The following EBP variants were observed in gnomAD, a reference collection of about 807,000 sequenced individuals.
The protein encoded by EBP is 3-beta-hydroxysteroid-Delta(8),Delta(7)-isomerase.
A neutral mutation model predicts 14.1 loss-of-function variants in EBP; 1 was observed. That is an observed-to-expected ratio of 0.07 (90% CI 0.03 to 0.34). The LOEUF (loss-of-function observed/expected upper bound fraction) is 0.34, where lower values mean the gene tolerates loss of function less well. Ranked by LOEUF, EBP falls within the 10% of genes least tolerant of loss-of-function variation. The pLI is 0.99. For synonymous variants in EBP, 72 were observed against 77.7 expected, an observed-to-expected ratio of 0.93 and a Z score of 0.38; for missense variants, 123 against 184.6, an observed-to-expected ratio of 0.67 and a Z score of 1.93.
chrX:48,523,238 C>T (rs2061768648), intron 1 of EBP, among the ~76,000 whole-genome samples: 2 of 112,013 alleles, frequency 1.8e-5, no homozygotes, highest in Admixed American at 1.9e-4. Flanking sequence ...TGCCACGGTG[C>T]CTGGCCTTTA....
Position 48,528,090 on chromosome X carries a change from T to C in EBP, c.470-144T>C. On this transcript the variant is annotated intron_variant, in intron 4 of 4. Coordinates refer to ENST00000495186, the MANE Select transcript of EBP (RefSeq NM_006579.3). ...GGTGTCTGGAATCTCACTTTTCTGA[T>C]TTCTCAGATTTTCAGCTCTGTGATT... 6 of 506,217 alleles carry C rather than the reference T, an allele frequency of 1.2e-5. No individual in the cohort carries two copies. In the South Asian group the frequency reaches 1.9e-4, roughly 16 times the overall value. The allele number at this position is 506,217 out of a possible 1,213,427, so 41.7% of individuals were successfully genotyped here. A position where few individuals can be genotyped will look rare whatever the true frequency, so the allele number is the denominator to read the frequency against.
rs782528278 is a variant in EBP, at chrX:48,527,547, G to T, written c.469+262G>T. 1.2e-5 allele frequency: 5 copies of T among 414,998 alleles called. No individual in the cohort carries two copies. In the African/African-American group the frequency reaches 1.3e-4, roughly 10 times the overall value. The allele number at this position is 414,998 out of a possible 1,213,427, so 34.2% of individuals were successfully genotyped here. A position where few individuals can be genotyped will look rare whatever the true frequency, so the allele number is the denominator to read the frequency against. On this transcript the variant is annotated intron_variant, in intron 4 of 4. Transcript: ENST00000495186. ...GTGAAGGTTACATGAGGTGGCCCAG[G>T]GTGGCAAGAAGCCCCTGGAACCTCC...
In EBP at chrX:48,528,187, G is replaced by T. The variant is rs1436475397; in HGVS notation, c.470-47G>T. 3 of 1,108,451 alleles carry T rather than the reference G, an allele frequency of 2.7e-6. No homozygotes were observed. The East Asian group carries it at 9.2e-5, about 34-fold the overall frequency. 91.3% of individuals were successfully genotyped at this position (1,108,451 alleles called of 1,213,427 possible). On this transcript the variant is annotated intron_variant, in intron 4 of 4. Transcript: ENST00000495186. ...TTTGGAATAGAGAATTGGCGAAAGT[G>T]TCCCCTTCCTCACTGGGGCTTCTCC...
At chrX:48,527,576 A>T (rs1374885826) in intron 4 of EBP, 2 of 373,644 alleles carry the variant, frequency 5.4e-6, no homozygotes, top group Admixed American at 4.5e-5. Context: ...AACCTCCAGG[A>T]TCAGGGCTCT....
At position 48,526,593 on chromosome X, in the gene EBP, A is replaced by G. The variant is rs782265514; in HGVS notation, c.302-396A>G. Among the ~76,000 whole-genome samples, 8 of 110,128 alleles carry G rather than the reference A, an allele frequency of 7.3e-5. No individual in the cohort carries two copies. In the Admixed American group the frequency reaches 7.7e-4, roughly 11 times the overall value. On this transcript the variant is annotated intron_variant, in intron 2 of 4. Transcript: ENST00000495186. Reference sequence around the variant, plus strand: ...GCCATCATCCCACCTCAGCCTCCCAAAGTGTTGGGATTACAGGCATGAGCC... The same window carrying G: ...GCCATCATCCCACCTCAGCCTCCCAGAGTGTTGGGATTACAGGCATGAGCC...
rs2061770261 is a variant in EBP at position 48,523,643 on chromosome X, A to T, written c.-73-56A>T. ...TCGGTCCATTTACATTTCTCATGAT[A>T]ATAAACTATTTGAATTTGATTTTAT... is the stretch of plus-strand genomic sequence containing the variant. On this transcript the variant is annotated intron_variant, in intron 1 of 4. Transcript: ENST00000495186. 8.3e-6 allele frequency: 6 copies of T among 726,739 alleles called. No homozygotes were observed. The Admixed American group carries it at 1.9e-4, about 23-fold the overall frequency. 59.9% of individuals were successfully genotyped at this position (726,739 alleles called of 1,213,427 possible). A position where few individuals can be genotyped will look rare whatever the true frequency, so the allele number is the denominator to read the frequency against.
At chrX:48,526,497 A>T (rs1201459843) in intron 2 of EBP, among the ~76,000 whole-genome samples, 2 of 110,321 alleles carry the variant, frequency 1.8e-5, no homozygotes, top group East Asian at 5.7e-4. Flanking sequence ...CGTCCAGCTA[A>T]TTTTTGTATG....
chrX:48,523,046 G>GAA (rs1556976833), intron 1 of EBP, among the ~76,000 whole-genome samples: 1 of 109,758 alleles, frequency 9.1e-6, no homozygotes. Flanking sequence ...TTGAAGTCCT[G>GAA]GGCTCAAAGC....
intron 4 of EBP, 65 bp from the exon 5 acceptor site, chrX:48,528,169 T>G: frequency 1.0e-6 from 1 of 976,117 alleles, no homozygotes; most frequent in Non-Finnish European, 1.4e-6. Flanking sequence ...TGCTTTGGAA[T>G]AGAGAATTGG....
intron 4 of EBP, 40 bp downstream of exon 4, chrX:48,527,325 G>A (rs782729537): frequency 8.3e-7 from 1 of 1,209,120 alleles, no homozygotes; most frequent in Non-Finnish European, 1.1e-6. Context: ...GCACTAGAGG[G>A]GTTGATGGGG....
In EBP at chrX:48,527,014, C is replaced by T; in HGVS notation, c.327C>T (p.Ser109=). ...GGAAAGAGTATGCCAAGGGAGACAGCCGATACATCCTGTAAGTGTTTGCCT... is the reference window on the plus strand; with the variant it reads ...GGAAAGAGTATGCCAAGGGAGACAGTCGATACATCCTGTAAGTGTTTGCCT... ...QLWKEYAKGD[S]RYILGDNFTV... is the part of the protein sequence containing the mutation. Residue 109 remains serine, a synonymous_variant, in exon 3 of 5, where the codon AGC becomes AGT. Coordinates refer to ENST00000495186, the MANE Select transcript of EBP (RefSeq NM_006579.3). The T allele has an allele frequency of 1.7e-6, 2 of 1,211,543 alleles. No individual in the cohort carries two copies. The highest frequency in any genetic ancestry group is 2.2e-6 in the Non-Finnish European group (2 of 895,349).
chrX:48,525,747 G>A (rs2061777006), intron 2 of EBP, among the ~76,000 whole-genome samples: 1 of 109,816 alleles, frequency 9.1e-6, no homozygotes, highest in Non-Finnish European at 1.9e-5. Flanking sequence ...TTGTACAGTT[G>A]CTTGACTTGT....
At chrX:48,524,480 G>T in intron 2 of EBP, 1 of 128,554 alleles carries the variant, frequency 7.8e-6, no homozygotes, top group Admixed American at 8.2e-5. Flanking sequence ...ACAAAAATTA[G>T]CCGGGTGTGG....
Position 48,528,386 on chromosome X carries a change from G to A in EBP, c.622G>A (p.Val208Met), listed in dbSNP as rs1363599120. The stretch of plus-strand genomic sequence containing the variant: ...GCCTGGAGTCCTTGTGCTTGATGCT[G>A]TGAAGCACCTCACTCATGCCCAGAG... ...VLPGVLVLDA[V>M]KHLTHAQSTL... Residue 208 changes from valine (V) to methionine (M), a missense_variant, in exon 5 of 5, where the codon GTG (valine) becomes ATG (methionine). Physicochemically the swap from Val to Met is conservative, Grantham distance 21. Transcript: ENST00000495186. 5 of 1,188,576 alleles carry A rather than the reference G, an allele frequency of 4.2e-6. No individual in the cohort carries two copies. The South Asian group carries it at 5.6e-5, about 13-fold the overall frequency.
chrX:48,528,308 C>T lies in EBP; in HGVS notation c.544C>T (p.Pro182Ser). The T allele has an allele frequency of 2.5e-6, 3 of 1,211,295 alleles. No homozygotes were observed. Among genetic ancestry groups the T allele is most frequent in the East Asian group, 3.0e-5 (1 of 33,835 alleles). The change falls in exon 5 of 5, where the codon CCT becomes TCT. Residue 182 changes from proline to serine, a missense_variant. Pro to Ser is a moderately conservative substitution (Grantham distance 74). Transcript: ENST00000495186. ...DGFQHGELGHPLYFWFYFVFM... is the reference protein window; with the variant it reads ...DGFQHGELGHSLYFWFYFVFM... Reference sequence around the variant, plus strand: ...ATTCCAGCACGGAGAGCTGGGCCACCCTCTCTACTTCTGGTTTTACTTTGT... The same window carrying T: ...ATTCCAGCACGGAGAGCTGGGCCACTCTCTCTACTTCTGGTTTTACTTTGT...
intron 4 of EBP, 51 bp from the exon 5 acceptor site, chrX:48,528,183 A>G (rs782419794): frequency 3.3e-5 from 36 of 1,089,763 alleles, no homozygotes; most frequent in Middle Eastern, 2.4e-4. Context: ...GAATTGGCGA[A>G]AGTGTCCCCT....
Position 48,527,215 on chromosome X carries a change from C to T in EBP, c.399C>T (p.Ser133=). The change falls in exon 4 of 5, where the codon AGC becomes AGT. Residue 133 remains serine, a synonymous_variant. Coordinates refer to ENST00000495186, the MANE Select transcript of EBP (RefSeq NM_006579.3). Reference sequence around the variant, plus strand: ...CAGCTTGCCTGTGGGGACCACTCAGCCTGTGGGTGGTGATCGCCTTTCTCC... The same window carrying T: ...CAGCTTGCCTGTGGGGACCACTCAGTCTGTGGGTGGTGATCGCCTTTCTCC... ...TITACLWGPL[S]LWVVIAFLRQ... is the part of the protein sequence containing the mutation. 1.7e-6 allele frequency: 2 copies of T among 1,211,688 alleles called. No individual in the cohort carries two copies. The highest frequency in any genetic ancestry group is 2.2e-6 in the Non-Finnish European group (2 of 895,416).
chrX:48,523,713 T>C lies in EBP; in HGVS notation c.-59T>C, dbSNP rs1556976977. 3.8e-6 allele frequency: 1 copy of C among 262,614 alleles called. No individual in the cohort carries two copies. Among genetic ancestry groups the C allele is most frequent in the Non-Finnish European group, 5.6e-6 (1 of 178,757 alleles). The allele number at this position is 262,614 out of a possible 1,213,427, so 21.6% of individuals were successfully genotyped here. A position where few individuals can be genotyped will look rare whatever the true frequency, so the allele number is the denominator to read the frequency against. ...TATTTGTCCAGGTTTTTCTGTTCCT[T>C]TTTTTTTTTTTTTTTTAACTTCCTG... On this transcript the variant is annotated 5_prime_UTR_variant, in exon 2 of 5. Coordinates refer to ENST00000495186, the MANE Select transcript of EBP (RefSeq NM_006579.3).
At chrX:48,522,473 T>G (rs1199847816) in intron 1 of EBP, among the ~76,000 whole-genome samples, 37 of 111,358 alleles carry the variant, frequency 3.3e-4, no homozygotes, top group Admixed American at 3.2e-3. Context: ...ACACCAGGCC[T>G]GGTCCTGTAT....
Sources: allele counts gnomAD v4.1 joint callset (sites outside exome capture counted in the v4.1 genomes callset), GRCh38; gene constraint gnomAD v4.1.1; transcripts MANE v1.5; gene names NCBI Gene and HGNC (gene_info 2026-07-23, HGNC 2026-07-21).